ENPEP: variants seen among roughly 807,000 people sequenced by gnomAD.
The protein encoded by ENPEP is AP-A.
Under a neutral mutation model 114.5 loss-of-function variants are expected in ENPEP, and 103 were observed. That is an observed-to-expected ratio of 0.90 (90% CI 0.77 to 1.06). The LOEUF (loss-of-function observed/expected upper bound fraction) is 1.06, where lower values mean the gene tolerates loss of function less well. ENPEP is among the 50% of genes least tolerant of loss of function. ENPEP has a pLI of 0.00. For missense variants in ENPEP, 1,196 were observed against 1,161.3 expected, an observed-to-expected ratio of 1.03 and a Z score of -0.43; for synonymous variants, 420 against 422.0, an observed-to-expected ratio of 1.00 and a Z score of 0.06.
chr4:110,476,350 C>G lies in ENPEP; in HGVS notation c.-65C>G. On this transcript the variant is annotated 5_prime_UTR_variant, in exon 1 of 20. Coordinates refer to ENST00000265162, the MANE Select transcript of ENPEP (RefSeq NM_001977.4). ...ATTCCTTCCAATTTAAAAAGGAAGT[C>G]TGCTGACGTTAGTTAGTTAAATTTA... 6.7e-7 allele frequency: 1 copy of G among 1,486,646 alleles called. No homozygotes were observed. The highest frequency in any genetic ancestry group is 2.3e-5 in the East Asian group (1 of 43,524). 92.1% of individuals were successfully genotyped at this position (1,486,646 alleles called of 1,614,324 possible).
At chr4:110,539,550 GT>G (rs575056364) in intron 11 of ENPEP, among the ~76,000 whole-genome samples, 1 of 151,512 alleles carries the variant, frequency 6.6e-6, no homozygotes, top group Non-Finnish European at 1.5e-5. Flanking sequence ...TCTTTCAGTT[GT>G]TTTTTTTGCT....
At chr4:110,517,991 G>A (rs1284275206) in intron 8 of ENPEP, among the ~76,000 whole-genome samples, 3 of 152,106 alleles carry the variant, frequency 2.0e-5, no homozygotes, top group Admixed American at 2.0e-4. Context: ...GCTATGAATG[G>A]GAGTTCAAGG....
At chr4:110,554,043 C>T (rs549178875) in intron 18 of ENPEP, among the ~76,000 whole-genome samples, 5 of 151,934 alleles carry the variant, frequency 3.3e-5, no homozygotes, top group African/African-American at 9.7e-5. Flanking sequence ...TCCTCAGGCC[C>T]GTGCAGAAGA....
intron 10 of ENPEP, among the ~76,000 whole-genome samples, chr4:110,528,685 G>A (rs1215617544): frequency 6.6e-6 from 1 of 152,196 alleles, no homozygotes; most frequent in Non-Finnish European, 1.5e-5. Context: ...TCTCAGGAAA[G>A]CATATGTGCC....
chr4:110,509,613 A>G lies in ENPEP; in HGVS notation c.1040-40A>G, dbSNP rs190062334. On this transcript the variant is annotated intron_variant, in intron 4 of 19. Coordinates refer to ENST00000265162, the MANE Select transcript of ENPEP (RefSeq NM_001977.4). ...GGTAAGAAAAGCTATGAACAAATGGAAAGAATGTATTTCTCACTGGACTCT... is the reference window on the plus strand; with the variant it reads ...GGTAAGAAAAGCTATGAACAAATGGGAAGAATGTATTTCTCACTGGACTCT... 1,720 of 1,579,794 alleles carry G rather than the reference A, an allele frequency of 1.1e-3. 15 individuals are homozygous for G. In the African/African-American group the frequency reaches 0.017, roughly 16 times the overall value.
chr4:110,532,476 A>G (rs1726443297), intron 11 of ENPEP, among the ~76,000 whole-genome samples: 1 of 152,222 alleles, frequency 6.6e-6, no homozygotes, highest in Non-Finnish European at 1.5e-5. Flanking sequence ...TTATATGGAT[A>G]TACCACCATT....
intron 18 of ENPEP, among the ~76,000 whole-genome samples, chr4:110,555,675 T>A (rs1017053704): frequency 6.6e-6 from 1 of 152,004 alleles, no homozygotes; most frequent in Non-Finnish European, 1.5e-5. Flanking sequence ...AAAAACTAAG[T>A]CATTAGGACA....
Position 110,549,411 on chromosome 4 carries a change from T to C in ENPEP, c.2217T>C (p.His739=), listed in dbSNP as rs1463094957. ...DSLGWNDAGD[H]VTKLLRSSVL... ...TGGGATGGAATGATGCTGGAGACCA[T>C]GTCACAAAGTTATTCTCACTTTTTA... Residue 739 remains histidine, a synonymous_variant, in exon 15 of 20, where the codon CAT becomes CAC. Transcript: ENST00000265162. 9 of 1,613,266 alleles carry C rather than the reference T, an allele frequency of 5.6e-6. No homozygotes were observed. In the Middle Eastern group the frequency reaches 9.9e-4, roughly 178 times the overall value.
intron 10 of ENPEP, among the ~76,000 whole-genome samples, chr4:110,529,909 A>G (rs912241056): frequency 9.1e-6 from 1 of 110,084 alleles, no homozygotes; most frequent in Non-Finnish European, 2.1e-5. Context: ...CCCCGTCTCT[A>G]CTAAAAATAC....
rs1475304089 is a variant in ENPEP, at chr4:110,563,698, A to G, written c.*2140A>G. 2 of 152,192 alleles carry G rather than the reference A, an allele frequency of 1.3e-5. No individual in the cohort carries two copies. The highest frequency in any genetic ancestry group is 2.9e-5 in the Non-Finnish European group (2 of 68,014). 9.4% of individuals were successfully genotyped at this position (152,192 alleles called of 1,614,324 possible). ...CCATTTAATTTCAAGAATTAACTGGAAAATATGGGAAGCAAGGTCATGTAG... is the reference window on the plus strand; with the variant it reads ...CCATTTAATTTCAAGAATTAACTGGGAAATATGGGAAGCAAGGTCATGTAG... On this transcript the variant is annotated 3_prime_UTR_variant, in exon 20 of 20. Transcript: ENST00000265162.
rs1322867470 is a variant in ENPEP at position 110,491,103 on chromosome 4, T to C, written c.857T>C (p.Leu286Pro). ...AAGTCTGTCCCCATGAGCACGTACC[T>C]GGTGTGCTTTGCTGTACATCAATTT... ...FEKSVPMSTY[L>P]VCFAVHQFDS... The change falls in exon 3 of 20, where the codon CTG becomes CCG. Residue 286 changes from leucine (L) to proline (P), a missense_variant. Transcript: ENST00000265162. 1.9e-6 allele frequency: 3 copies of C among 1,612,492 alleles called. No individual in the cohort carries two copies. The highest frequency in any genetic ancestry group is 1.1e-5 in the South Asian group (1 of 90,946).
At chr4:110,541,817 A>T (rs910051628) in intron 11 of ENPEP, among the ~76,000 whole-genome samples, 18 of 152,154 alleles carry the variant, frequency 1.2e-4, no homozygotes, top group African/African-American at 4.1e-4. Flanking sequence ...CTATACCATT[A>T]TTTAAATTGT....
At chr4:110,486,947 A>AGT (rs1230729075) in intron 1 of ENPEP, among the ~76,000 whole-genome samples, 1 of 151,882 alleles carries the variant, frequency 6.6e-6, no homozygotes, top group Non-Finnish European at 1.5e-5. Flanking sequence ...GGAAGTGGGG[A>AGT]GTGCTGATTG....
intron 1 of ENPEP, among the ~76,000 whole-genome samples, chr4:110,484,116 C>G (rs1263071336): frequency 6.6e-6 from 1 of 152,076 alleles, no homozygotes; most frequent in African/African-American, 2.4e-5. Context: ...AGTGCTATGT[C>G]AGAAAGCACT....
chr4:110,521,002 A>G (rs918260969), intron 10 of ENPEP, among the ~76,000 whole-genome samples: 2 of 152,044 alleles, frequency 1.3e-5, no homozygotes, highest in African/African-American at 2.4e-5. Context: ...AGTAGAGGAG[A>G]GCTAAGGATT....
chr4:110,486,492 G>A (rs759883582), intron 1 of ENPEP, among the ~76,000 whole-genome samples: 9 of 152,002 alleles, frequency 5.9e-5, no homozygotes, highest in African/African-American at 1.2e-4. Context: ...TTGCACTTAC[G>A]GTTCCTTCTA....
chr4:110,530,048 C>T (rs1256114205), intron 10 of ENPEP, among the ~76,000 whole-genome samples: 1 of 151,102 alleles, frequency 6.6e-6, no homozygotes, highest in Non-Finnish European at 1.5e-5. Flanking sequence ...TGCACTCCAG[C>T]CTGGGCAACA....
chr4:110,527,706 TTAAC>T (rs1726249791), intron 10 of ENPEP, among the ~76,000 whole-genome samples: 2 of 152,316 alleles, frequency 1.3e-5, no homozygotes, highest in Admixed American at 6.5e-5. Context: ...GCAAATTAGA[TTAAC>T]TATTTAATAC....
intron 8 of ENPEP, chr4:110,518,976 C>A: frequency 2.4e-6 from 1 of 420,818 alleles, no homozygotes; most frequent in Non-Finnish European, 4.8e-6. Flanking sequence ...ATTTGATTTA[C>A]CAAATATTCA....
Sources: allele counts gnomAD v4.1 joint callset (sites outside exome capture counted in the v4.1 genomes callset), GRCh38; gene constraint gnomAD v4.1.1; transcripts MANE v1.5; gene names NCBI Gene and HGNC (gene_info 2026-07-23, HGNC 2026-07-21).